The following BAZ2A variants were observed in gnomAD, a reference collection of about 807,000 sequenced individuals.
BAZ2A encodes bromodomain adjacent to zinc finger domain protein 2A.
Under a neutral mutation model 199.9 loss-of-function variants are expected in BAZ2A, and 34 were observed. That is an observed-to-expected ratio of 0.17 (90% CI 0.13 to 0.23). BAZ2A has a LOEUF of 0.23. Ranked by LOEUF, BAZ2A falls within the 10% of genes least tolerant of loss-of-function variation. The pLI is 1.00. For synonymous variants in BAZ2A, 857 were observed against 883.9 expected, an observed-to-expected ratio of 0.97 and a Z score of 0.54; for missense variants, 2,002 against 2,391.1, an observed-to-expected ratio of 0.84 and a Z score of 3.39.
chr12:56,612,320 C>A, intron 5 of BAZ2A, 74 bp from the exon 6 acceptor site: 1 of 1,309,830 alleles, frequency 7.6e-7, no homozygotes. Flanking sequence ...TCTACTCAGT[C>A]AACCCTGGAC....
intron 4 of BAZ2A, among the ~76,000 whole-genome samples, chr12:56,613,739 A>T (rs962997581): frequency 7.9e-5 from 12 of 152,192 alleles, no homozygotes; most frequent in African/African-American, 2.9e-4. Context: ...GGCCAAAAGG[A>T]ATACTGGGAA....
At chr12:56,617,231 C>T (rs997833838) in intron 2 of BAZ2A, among the ~76,000 whole-genome samples, 164 bp downstream of exon 2, 4 of 152,170 alleles carry the variant, frequency 2.6e-5, no homozygotes, top group African/African-American at 9.7e-5. Flanking sequence ...CTAATCTCTT[C>T]CAACCTTAAA....
intron 16 of BAZ2A, 87 bp downstream of exon 16, chr12:56,604,130 C>T (rs1592565459): frequency 1.5e-6 from 2 of 1,293,474 alleles, no homozygotes; most frequent in East Asian, 5.0e-5. Context: ...GGGGCTAAAG[C>T]ATCACATTTC....
In BAZ2A at chr12:56,621,489, T is replaced by C. The variant is rs570314296; in HGVS notation, c.-2-3957A>G. Among the ~76,000 whole-genome samples, 3 of 152,240 alleles carry C rather than the reference T, an allele frequency of 2.0e-5. No individual in the cohort carries two copies. The East Asian group carries it at 5.8e-4, about 29-fold the overall frequency. ...GTGGTCAGCACAATGTAGTGGGCTC[T>C]AGGTTCAAATCCCAACTCTACTATT... On this transcript the variant is annotated intron_variant, in intron 1 of 28. Coordinates refer to ENST00000549884, the MANE Select transcript of BAZ2A (RefSeq NM_001300905.2).
At chr12:56,631,528 C>CAATG (rs1951311227), upstream of BAZ2A, among the ~76,000 whole-genome samples, 1 of 151,596 alleles carries the variant, frequency 6.6e-6, no homozygotes, top group African/African-American at 2.4e-5. Flanking sequence ...CAAAGAGGTT[C>CAATG]AATGACTTCT....
intron 10 of BAZ2A, among the ~76,000 whole-genome samples, chr12:56,608,113 C>T (rs949500105): frequency 1.3e-5 from 2 of 150,882 alleles, no homozygotes; most frequent in Admixed American, 6.6e-5. Flanking sequence ...GGGGCTACAC[C>T]TGTAATCCCA....
intron 2 of BAZ2A, among the ~76,000 whole-genome samples, chr12:56,616,695 C>T (rs556704321): frequency 3.3e-5 from 5 of 152,072 alleles, no homozygotes; most frequent in Non-Finnish European, 4.4e-5. Flanking sequence ...TCGAGAGGAT[C>T]GGAGGGAGAA....
intron 7 of BAZ2A, 121 bp from the exon 8 acceptor site, chr12:56,610,638 G>A (rs925143817): frequency 1.8e-5 from 15 of 823,846 alleles, no homozygotes; most frequent in Non-Finnish European, 2.3e-5. Context: ...AGAACTGCAT[G>A]CAGATGCAAA....
chr12:56,601,582 G>A lies in BAZ2A; in HGVS notation c.4035C>T (p.Pro1345=). ...TPPPAVSEDQ[P]TPSPQQLASS... The stretch of plus-strand genomic sequence containing the variant: ...AGGCAAGCTGCTGAGGGGAGGGAGT[G>A]GGTTGGTCCTCAGAAACTGCAGGGG... The change falls in exon 20 of 29, where the codon CCC becomes CCT. Residue 1345 remains proline (P), a synonymous_variant. Coordinates refer to ENST00000549884, the MANE Select transcript of BAZ2A (RefSeq NM_001300905.2). 1.2e-6 allele frequency: 2 copies of A among 1,613,664 alleles called. No homozygotes were observed. The highest frequency in any genetic ancestry group is 1.1e-5 in the South Asian group (1 of 91,078).
rs769130623 is a variant in BAZ2A at position 56,610,205 on chromosome 12, C to T, written c.1790G>A (p.Arg597His). 13 of 1,613,862 alleles carry T rather than the reference C, an allele frequency of 8.1e-6. No homozygotes were observed. Among genetic ancestry groups the T allele is most frequent in the South Asian group, 6.6e-5 (6 of 91,068 alleles). The change falls in exon 9 of 29, where the codon CGC (arginine) becomes CAC (histidine). Residue 597 changes from arginine to histidine, a missense_variant. Coordinates refer to ENST00000549884, the MANE Select transcript of BAZ2A (RefSeq NM_001300905.2). ...TCGGCGGACACTGTGTACCACGTTGCGGCTCAGGTACTAAGAGGAAGAAGT... is the reference window on the plus strand; with the variant it reads ...TCGGCGGACACTGTGTACCACGTTGTGGCTCAGGTACTAAGAGGAAGAAGT... ...QFPEVIKYLSRNVVHSVRREH... is the reference protein window; with the variant it reads ...QFPEVIKYLSHNVVHSVRREH...
chr12:56,636,338 C>A (rs1951449120), exon 1 of BAZ2A: 7 of 1,474,630 alleles, frequency 4.7e-6, no homozygotes, highest in Admixed American at 2.2e-5. Flanking sequence ...GCGAACCACA[C>A]AGCCTGAACT....
At chr12:56,628,984 CG>C (rs1951201672) in intron 1 of BAZ2A, among the ~76,000 whole-genome samples, 1 of 151,024 alleles carries the variant, frequency 6.6e-6, no homozygotes, top group Admixed American at 6.6e-5. Flanking sequence ...GATTGGGATA[CG>C]TGAGTCAACT....
intron 1 of BAZ2A, among the ~76,000 whole-genome samples, chr12:56,629,749 G>A (rs1428452248): frequency 5.5e-5 from 8 of 144,270 alleles, no homozygotes; most frequent in African/African-American, 2.1e-4. Flanking sequence ...CACCCCTCGC[G>A]CTCAGGCAAT....
intron 1 of BAZ2A, among the ~76,000 whole-genome samples, chr12:56,623,327 T>G (rs920409387): frequency 6.6e-6 from 1 of 151,972 alleles, no homozygotes; most frequent in African/African-American, 2.4e-5. Flanking sequence ...CCCTGACCAA[T>G]TCTAACCCTC....
Position 56,630,252 on chromosome 12 carries a change from G to T in BAZ2A, c.-130C>A, listed in dbSNP as rs1951265299. The T allele has an allele frequency of 1.4e-5, 13 of 956,280 alleles. No homozygotes were observed. The highest frequency in any genetic ancestry group is 1.5e-5 in the Non-Finnish European group (12 of 803,250). 59.2% of individuals were successfully genotyped at this position (956,280 alleles called of 1,614,324 possible). A position where few individuals can be genotyped will look rare whatever the true frequency, so the allele number is the denominator to read the frequency against. On this transcript the variant is annotated 5_prime_UTR_variant, in exon 1 of 29. Coordinates refer to ENST00000549884, the MANE Select transcript of BAZ2A (RefSeq NM_001300905.2). ...CTGGGGAGGGGGTCTGGGGTCCGGG[G>T]TTCGGGAAGGGGGAGGGGGACGCGG... is the stretch of plus-strand genomic sequence containing the variant.
chr12:56,598,913 T>G lies in BAZ2A; in HGVS notation c.5501A>C (p.Asn1834Thr), dbSNP rs1886112966. The G allele has an allele frequency of 1.2e-6, 2 of 1,605,774 alleles. No homozygotes were observed. Among genetic ancestry groups the G allele is most frequent in the Non-Finnish European group, 1.7e-6 (2 of 1,176,266 alleles). ...CCGCATGGTGGAAAAATCCATAGGA[T>G]TTTTGATGATGCGCCGGTACCCACT... ...LVSGYRRIIK[N>T]PMDFSTMRER... Residue 1834 changes from asparagine (N) to threonine (T), a missense_variant, in exon 28 of 29, where the codon AAT (asparagine) becomes ACT (threonine). Physicochemically the swap from Asn to Thr is moderately conservative, Grantham distance 65 (BLOSUM62 0). This residue lies in a region of BAZ2A where 76 missense variants were observed against 139.3 expected (regional missense o/e 0.55). Coordinates refer to ENST00000549884, the MANE Select transcript of BAZ2A (RefSeq NM_001300905.2).
Position 56,612,192 on chromosome 12 carries a change from G to C in BAZ2A, c.1190C>G (p.Thr397Ser). 1 of 1,613,638 alleles carries C rather than the reference G, an allele frequency of 6.2e-7. No individual in the cohort carries two copies. The highest frequency in any genetic ancestry group is 8.5e-7 in the Non-Finnish European group (1 of 1,179,850). The change falls in exon 6 of 29, where the codon ACT becomes AGT. Residue 397 changes from threonine (T) to serine (S), a missense_variant. By Grantham distance (58) the Thr-to-Ser change is moderately conservative. This residue lies in a region of BAZ2A where 641 missense variants were observed against 694.5 expected (regional missense o/e 0.92). Coordinates refer to ENST00000549884, the MANE Select transcript of BAZ2A (RefSeq NM_001300905.2). ...GGATGGTGGGAAGTCTGAAGATTGAGTTTCCATTTCTTCCTGTTCAGCGTC... is the reference window on the plus strand; with the variant it reads ...GGATGGTGGGAAGTCTGAAGATTGACTTTCCATTTCTTCCTGTTCAGCGTC... ...GSDAEQEEME[T>S]QSSDFPPSLT...
chr12:56,627,477 A>G (rs547849034), intron 1 of BAZ2A, among the ~76,000 whole-genome samples: 4 of 151,184 alleles, frequency 2.6e-5, no homozygotes, highest in Admixed American at 1.3e-4. Context: ...AAAAAAAAAA[A>G]AAAGAAAAAG....
Position 56,605,936 on chromosome 12 carries a change from T to A in BAZ2A, c.2387A>T (p.Asp796Val), listed in dbSNP as rs1308905685. The change falls in exon 13 of 29, where the codon GAT becomes GTT. Residue 796 changes from aspartate to valine, a missense_variant. Physicochemically the swap from Asp to Val is radical, Grantham distance 152. Coordinates refer to ENST00000549884, the MANE Select transcript of BAZ2A (RefSeq NM_001300905.2). ...GCGCCTCTGTGTGGCCAGGGTCTTA[T>A]CTGCTTTACAGGCTGGCTTGGCTTT... ...VTKAKPACKA[D>V]KTLATQRRLE... 1.3e-6 allele frequency: 2 copies of A among 1,565,844 alleles called. No individual in the cohort carries two copies. Among genetic ancestry groups the A allele is most frequent in the Non-Finnish European group, 1.7e-6 (2 of 1,154,582 alleles).
Sources: allele counts gnomAD v4.1 joint callset (sites outside exome capture counted in the v4.1 genomes callset), GRCh38; gene constraint gnomAD v4.1.1; regional missense constraint gnomAD v4.1.1; transcripts MANE v1.5; gene names NCBI Gene and HGNC (gene_info 2026-07-23, HGNC 2026-07-21).